OXCT1: variants seen among roughly 807,000 people sequenced by gnomAD.
OXCT1 encodes the protein 3-oxoacid CoA-transferase 1.
OXCT1 carries 27 observed loss-of-function variants against 69.6 expected under a neutral mutation model. That is an observed-to-expected ratio of 0.39 (90% CI 0.29 to 0.54). The LOEUF (loss-of-function observed/expected upper bound fraction) is 0.54. OXCT1 is among the 20% of genes least tolerant of loss of function. OXCT1 has a pLI of 0.72. For missense variants in OXCT1, 437 were observed against 650.2 expected (o/e 0.67, Z 3.57); for synonymous variants, 202 against 217.8 (o/e 0.93, Z 0.64).
At chr5:41,821,347 T>C (rs1195834040) in intron 7 of OXCT1, among the ~76,000 whole-genome samples, 1 of 152,142 alleles carries the variant, frequency 6.6e-6, no homozygotes, top group Non-Finnish European at 1.5e-5. Context: ...AAATGAAATA[T>C]AAAATTCAAC....
At chr5:41,845,527 C>G (rs1274707660) in intron 5 of OXCT1, among the ~76,000 whole-genome samples, 1 of 151,536 alleles carries the variant, frequency 6.6e-6, no homozygotes, top group Non-Finnish European at 1.5e-5. Context: ...CAATAAATAA[C>G]ACTAATTTAG....
chr5:41,807,214 G>T, intron 8 of OXCT1, 117 bp downstream of exon 8: 1 of 708,770 alleles, frequency 1.4e-6, no homozygotes, highest in Middle Eastern at 2.3e-4. Context: ...CTCTTACTAA[G>T]ATCCAAGACC....
chr5:41,869,992 G>C (rs1750209020), intron 1 of OXCT1: 2 of 456,178 alleles, frequency 4.4e-6, no homozygotes, highest in Admixed American at 3.4e-5. Flanking sequence ...CAAAGGGCTC[G>C]GGAGCGCTGC....
chr5:41,731,940 G>A (rs1742654178), intron 16 of OXCT1, among the ~76,000 whole-genome samples, 170 bp from the exon 17 acceptor site: 1 of 152,122 alleles, frequency 6.6e-6, no homozygotes, highest in African/African-American at 2.4e-5. Context: ...GAACAGTTCT[G>A]TTTACATTTT....
At chr5:41,845,792 A>G (rs535711209) in intron 5 of OXCT1, among the ~76,000 whole-genome samples, 129 of 152,314 alleles carry the variant, frequency 8.5e-4, no homozygotes, top group Non-Finnish European at 1.6e-3. Context: ...AGATACTACT[A>G]CAGTTCATTT....
chr5:41,812,833 T>C (rs1407772958), intron 7 of OXCT1, among the ~76,000 whole-genome samples: 1 of 151,944 alleles, frequency 6.6e-6, no homozygotes, highest in Non-Finnish European at 1.5e-5. Flanking sequence ...ACCCACAACA[T>C]CTATATCCCA....
chr5:41,821,394 A>T (rs940196619), intron 7 of OXCT1, among the ~76,000 whole-genome samples: 1 of 152,246 alleles, frequency 6.6e-6, no homozygotes, highest in South Asian at 2.1e-4. Context: ...AGTCTATCAC[A>T]TATTCTACAT....
chr5:41,749,808 G>T (rs1393404894), intron 14 of OXCT1, among the ~76,000 whole-genome samples: 3 of 152,054 alleles, frequency 2.0e-5, no homozygotes, highest in Non-Finnish European at 4.4e-5. Flanking sequence ...AATGCCAGAT[G>T]AATGGCCAAA....
At chr5:41,777,423 A>G (rs116470460) in intron 13 of OXCT1, among the ~76,000 whole-genome samples, 1,706 of 152,276 alleles carry the variant, frequency 0.011, 30 homozygotes, top group Middle Eastern at 0.034. Context: ...CTTAAAAAAA[A>G]CCGTTCAATG....
chr5:41,788,125 G>A (rs760577935), intron 13 of OXCT1, among the ~76,000 whole-genome samples: 4 of 152,086 alleles, frequency 2.6e-5, no homozygotes, highest in Non-Finnish European at 5.9e-5. Context: ...CAATAAGGCA[G>A]AAAACAGAAG....
At chr5:41,764,689 T>A (rs962007409) in intron 13 of OXCT1, among the ~76,000 whole-genome samples, 2 of 152,162 alleles carry the variant, frequency 1.3e-5, no homozygotes, top group Admixed American at 6.6e-5. Flanking sequence ...TCCCTCTTTC[T>A]CTTCTTCTCT....
At chr5:41,845,721 A>G (rs1015292372) in intron 5 of OXCT1, among the ~76,000 whole-genome samples, 1 of 152,204 alleles carries the variant, frequency 6.6e-6, no homozygotes, top group African/African-American at 2.4e-5. Context: ...GAGGTGAATT[A>G]ATTTTTCAAC....
chr5:41,799,510 G>A (rs971200343), intron 11 of OXCT1, among the ~76,000 whole-genome samples: 1 of 152,186 alleles, frequency 6.6e-6, no homozygotes, highest in Non-Finnish European at 1.5e-5. Context: ...TTTGGACTGA[G>A]CTACTTCTAA....
At chr5:41,858,567 G>A (rs1173074847) in intron 3 of OXCT1, among the ~76,000 whole-genome samples, 3 of 152,106 alleles carry the variant, frequency 2.0e-5, no homozygotes, top group Non-Finnish European at 4.4e-5. Context: ...ACATTTTGGT[G>A]ACTAGAAAAA....
chr5:41,748,006 G>T (rs1743588477), intron 15 of OXCT1, among the ~76,000 whole-genome samples: 1 of 152,018 alleles, frequency 6.6e-6, no homozygotes, highest in South Asian at 2.1e-4. Context: ...TTAGGACAGA[G>T]ACTCTGCCTT....
intron 13 of OXCT1, among the ~76,000 whole-genome samples, chr5:41,781,739 G>C (rs1745411530): frequency 6.6e-6 from 1 of 152,122 alleles, no homozygotes; most frequent in Admixed American, 6.5e-5. Flanking sequence ...GTTTGCTGAG[G>C]ATAATGGCTT....
intron 13 of OXCT1, among the ~76,000 whole-genome samples, chr5:41,777,247 C>G (rs1445510125): frequency 6.6e-6 from 1 of 152,086 alleles, no homozygotes; most frequent in Non-Finnish European, 1.5e-5. Flanking sequence ...CAAACCCCGT[C>G]CCTACTAAAA....
intron 14 of OXCT1, among the ~76,000 whole-genome samples, chr5:41,760,044 A>G (rs146525949): frequency 6.6e-6 from 1 of 151,652 alleles, no homozygotes; most frequent in African/African-American, 2.4e-5. Flanking sequence ...GAGTGAAAAA[A>G]CTCTCTTCCC....
chr5:41,807,648 G>T (rs748075775), intron 7 of OXCT1, among the ~76,000 whole-genome samples: 1 of 151,958 alleles, frequency 6.6e-6, no homozygotes, highest in Non-Finnish European at 1.5e-5. Context: ...AAGTGTATGC[G>T]TCTGAACAGA....
Sources: gnomAD v4.1 joint callset for allele counts (sites outside exome capture counted in the v4.1 genomes callset) on GRCh38, gnomAD v4.1.1 for gene constraint, MANE v1.5 for transcripts, NCBI Gene and HGNC (gene_info 2026-07-23, HGNC 2026-07-21) for gene names.